The following ANO10 variants were observed in gnomAD, a reference collection of about 807,000 sequenced individuals.
ANO10 encodes anoctamin 10, also known as anoctamin-10.
Under a neutral mutation model 74.7 loss-of-function variants are expected in ANO10, and 77 were observed. The observed-to-expected ratio is 1.03, with a 90% CI of 0.86 to 1.25. The LOEUF is 1.25. Among genes scored for constraint, ANO10 ranks in the 50% most tolerant of loss-of-function variants. ANO10 has a pLI of 0.00. For missense variants in ANO10, 721 were observed against 778.1 expected (o/e 0.93, Z 0.87); for synonymous variants, 279 against 284.9 (o/e 0.98, Z 0.21).
At chr3:43,440,885 C>T (rs977712878) in intron 11 of ANO10, among the ~76,000 whole-genome samples, 4 of 151,990 alleles carry the variant, frequency 2.6e-5, no homozygotes, top group African/African-American at 9.6e-5. Context: ...AACTAGAAAT[C>T]AAAAGCAAAA....
rs184534581 is a variant in ANO10, at chr3:43,595,562, C to T, written c.472+2970G>A. ...AAAGGCCTTCGAGAAAATTCAACAGCGCTTCATGCTAAAAACTCTCAATAA... is the reference window on the plus strand; with the variant it reads ...AAAGGCCTTCGAGAAAATTCAACAGTGCTTCATGCTAAAAACTCTCAATAA... On this transcript the variant is annotated intron_variant, in intron 4 of 12. Coordinates refer to ENST00000292246, the MANE Select transcript of ANO10 (RefSeq NM_018075.5). 8.5e-4 allele frequency among the ~76,000 whole-genome samples: 130 copies of T among 152,274 alleles called. No individual in the cohort carries two copies. In the Middle Eastern group the frequency reaches 0.021, roughly 24 times the overall value.
intron 9 of ANO10, 106 bp downstream of exon 9, chr3:43,561,114 T>C (rs2149345011): frequency 7.5e-7 from 1 of 1,330,298 alleles, no homozygotes; most frequent in South Asian, 1.2e-5. Flanking sequence ...AAAGCACTTC[T>C]AGAATAGTCA....
At chr3:43,632,403 C>T (rs2083557957) in intron 1 of ANO10, among the ~76,000 whole-genome samples, 2 of 152,242 alleles carry the variant, frequency 1.3e-5, no homozygotes, top group African/African-American at 4.8e-5. Flanking sequence ...GGCAAGCTGG[C>T]CATGTCCCTC....
intron 10 of ANO10, among the ~76,000 whole-genome samples, chr3:43,552,726 A>G (rs7634567): frequency 0.18 from 17,132 of 94,880 alleles, 1,520 homozygotes; most frequent in African/African-American, 0.32. Context: ...ATATATATAT[A>G]TATGTATGTA....
chr3:43,369,677 G>A (rs1373148523), intron 12 of ANO10, among the ~76,000 whole-genome samples: 1 of 152,154 alleles, frequency 6.6e-6, no homozygotes, highest in Non-Finnish European at 1.5e-5. Flanking sequence ...CCCTCCCAGG[G>A]CCATGGTATG....
rs185379878 is a variant in ANO10, at chr3:43,476,100, C to T, written c.1798-43373G>A. Reference sequence around the variant, plus strand: ...CATATATTTTGATACACTGTTTGCTCATATTGTCATTTTATAATGTTAACT... The same window carrying T: ...CATATATTTTGATACACTGTTTGCTTATATTGTCATTTTATAATGTTAACT... On this transcript the variant is annotated intron_variant, in intron 11 of 12. Coordinates refer to ENST00000292246, the MANE Select transcript of ANO10 (RefSeq NM_018075.5). Among the ~76,000 whole-genome samples, 12 of 152,178 alleles carry T rather than the reference C, an allele frequency of 7.9e-5. No homozygotes were observed. In the East Asian group the frequency reaches 1.7e-3, roughly 22 times the overall value.
intron 1 of ANO10, among the ~76,000 whole-genome samples, chr3:43,657,953 C>T (rs943287532): frequency 5.3e-5 from 8 of 152,100 alleles, no homozygotes; most frequent in African/African-American, 1.2e-4. Flanking sequence ...ATGTGTATTC[C>T]GTCTGGATGG....
intron 12 of ANO10, among the ~76,000 whole-genome samples, chr3:43,376,347 GGT>G (rs1407433649): frequency 6.6e-6 from 1 of 152,164 alleles, no homozygotes; most frequent in African/African-American, 2.4e-5. Flanking sequence ...GTGGGCTGGG[GGT>G]GTCCTGGGGA....
intron 11 of ANO10, among the ~76,000 whole-genome samples, chr3:43,500,458 GC>G (rs2077059663): frequency 1.3e-5 from 2 of 152,152 alleles, no homozygotes; most frequent in Non-Finnish European, 2.9e-5. Flanking sequence ...AGTTGCTGTT[GC>G]CAAATCACAC....
At chr3:43,367,676 G>A (rs4682883) in intron 12 of ANO10, among the ~76,000 whole-genome samples, 135,136 of 152,048 alleles carry the variant, frequency 0.89, 61,600 homozygotes, top group Non-Finnish European at 1. Flanking sequence ...TCAGGCAGCG[G>A]CGTAGGGGAC....
intron 7 of ANO10, among the ~76,000 whole-genome samples, chr3:43,570,529 G>A (rs893870954): frequency 3.3e-5 from 5 of 152,028 alleles, no homozygotes; most frequent in African/African-American, 4.8e-5. Context: ...AAATAACGCC[G>A]CATATCTACA....
At chr3:43,536,754 G>A (rs536129620) in intron 11 of ANO10, among the ~76,000 whole-genome samples, 10 of 151,850 alleles carry the variant, frequency 6.6e-5, no homozygotes, top group Admixed American at 2.0e-4. Context: ...ACTGGTTTTC[G>A]GTTGCCTTGT....
chr3:43,370,725 T>C (rs1179618703), intron 12 of ANO10, among the ~76,000 whole-genome samples: 1 of 152,246 alleles, frequency 6.6e-6, no homozygotes, highest in African/African-American at 2.4e-5. Flanking sequence ...TTGTGACTCA[T>C]TAAAACACCC....
intron 1 of ANO10, among the ~76,000 whole-genome samples, chr3:43,654,822 G>A (rs1369595302): frequency 6.6e-6 from 1 of 152,088 alleles, no homozygotes; most frequent in African/African-American, 2.4e-5. Flanking sequence ...GAAAAAATTG[G>A]CCCTACCTCT....
intron 1 of ANO10, among the ~76,000 whole-genome samples, chr3:43,681,572 G>C (rs2149582225): frequency 6.6e-6 from 1 of 152,102 alleles, no homozygotes; most frequent in East Asian, 1.9e-4. Context: ...TCTGCACCAA[G>C]CGAACCTAAT....
intron 4 of ANO10, among the ~76,000 whole-genome samples, chr3:43,596,650 AT>A (rs1170905107): frequency 6.6e-6 from 1 of 152,176 alleles, no homozygotes; most frequent in Non-Finnish European, 1.5e-5. Flanking sequence ...ACCGAAAACC[AT>A]TAAAAACCCT....
At chr3:43,653,583 A>G (rs140527837) in intron 1 of ANO10, among the ~76,000 whole-genome samples, 1 of 152,222 alleles carries the variant, frequency 6.6e-6, no homozygotes, top group Admixed American at 6.5e-5. Context: ...CCAACAAATA[A>G]TATGAGAGAT....
At chr3:43,621,355 A>C (rs1259700465) in intron 1 of ANO10, among the ~76,000 whole-genome samples, 1 of 152,136 alleles carries the variant, frequency 6.6e-6, no homozygotes, top group Non-Finnish European at 1.5e-5. Context: ...AAAAGCCTGG[A>C]AACTCAGTCA....
intron 9 of ANO10, among the ~76,000 whole-genome samples, chr3:43,555,743 T>C (rs1207416391): frequency 6.6e-6 from 1 of 152,164 alleles, no homozygotes; most frequent in African/African-American, 2.4e-5. Flanking sequence ...ATTATTATTA[T>C]CGCATCTCTG....
Sources: gnomAD v4.1 joint callset for allele counts (sites outside exome capture counted in the v4.1 genomes callset) on GRCh38, gnomAD v4.1.1 for gene constraint, MANE v1.5 for transcripts, NCBI Gene and HGNC (gene_info 2026-07-23, HGNC 2026-07-21) for gene names.